The following CYGB variants were observed in gnomAD, a reference collection of about 807,000 sequenced individuals.
CYGB encodes histoglobin.
CYGB carries 13 observed loss-of-function variants against 20.7 expected under a neutral mutation model. The ratio of observed to expected loss-of-function variants is 0.63; its 90% CI spans 0.41 to 1.00. The LOEUF is 1.00. Among genes scored for constraint, CYGB ranks in the 50% least tolerant of loss-of-function variants. The pLI is 0.00. For synonymous variants in CYGB, 93 were observed against 107.4 expected (o/e 0.87, Z 0.83); for missense variants, 218 against 257.2 (o/e 0.85, Z 1.04).
At chr17:76,545,747 G>A (rs2075047525) in intron 1 of CYGB, 1 of 235,054 alleles carries the variant, frequency 4.3e-6, no homozygotes, top group Admixed American at 5.1e-5. Flanking sequence ...TGTGGAAGAT[G>A]CTTAGCATGT....
In CYGB at chr17:76,531,292, T is replaced by C. The variant is rs1276044964; in HGVS notation, c.376-150A>G. The stretch of plus-strand genomic sequence containing the variant: ...GAACCCCGTGCTCTCAGGACAAGGG[T>C]TGCCCTGGACCCAGCCCCTCCATCC... On this transcript the variant is annotated intron_variant, in intron 2 of 3. Transcript: ENST00000293230. The surrounding 1 kb of genome is among the most constrained non-coding windows in gnomAD (Gnocchi z 7.4). 3 of 1,210,532 alleles carry C rather than the reference T, an allele frequency of 2.5e-6. No homozygotes were observed. Among genetic ancestry groups the C allele is most frequent in the Non-Finnish European group, 3.5e-6 (3 of 867,798 alleles). 75.0% of individuals were successfully genotyped at this position (1,210,532 alleles called of 1,614,324 possible).
chr17:76,531,965 C>T lies in CYGB; in HGVS notation c.144-274G>A. 2.8e-6 allele frequency: 1 copy of T among 360,226 alleles called. No homozygotes were observed. The highest frequency in any genetic ancestry group is 5.1e-6 in the Non-Finnish European group (1 of 194,586). 22.3% of individuals were successfully genotyped at this position (360,226 alleles called of 1,614,324 possible). A position where few individuals can be genotyped will look rare whatever the true frequency, so the allele number is the denominator to read the frequency against. On this transcript the variant is annotated intron_variant, in intron 1 of 3. Transcript: ENST00000293230. The surrounding 1 kb of genome is among the most constrained non-coding windows in gnomAD (Gnocchi z 7.4). ...CCTCTGTCTTCCTCGCTTCTTGCTT[C>T]CTTCCCAAACTCTACACCCCCTTCA...
rs1353801528 is a variant in CYGB, at chr17:76,530,189, T to G, written c.539+790A>C. On this transcript the variant is annotated intron_variant, in intron 3 of 3. Transcript: ENST00000293230. The surrounding 1 kb of genome is among the most constrained non-coding windows in gnomAD (Gnocchi z 6.1). ...CTCTGCTTCCCATTCCCGCCTCCGC[T>G]CCTCTCCTCCTTCCTACTCCAGCCC... 6.6e-6 allele frequency among the ~76,000 whole-genome samples: 1 copy of G among 152,014 alleles called. No individual in the cohort carries two copies. The highest frequency in any genetic ancestry group is 1.5e-5 in the Non-Finnish European group (1 of 67,986).
intron 3 of CYGB, chr17:76,529,380 G>C: frequency 1.0e-6 from 1 of 985,458 alleles, no homozygotes; most frequent in Non-Finnish European, 1.2e-6. Flanking sequence ...AGCAGAAGTG[G>C]GCGGAGGAGG....
At chr17:76,534,174 C>CTCTCTT (rs1567907867) in intron 1 of CYGB, among the ~76,000 whole-genome samples, 20 of 106,108 alleles carry the variant, frequency 1.9e-4, no homozygotes, top group African/African-American at 6.1e-4. Flanking sequence ...CTCTCTCTCT[C>CTCTCTT]TCTTTCTTTC....
chr17:76,542,657 G>A (rs1312381567), upstream of CYGB: 7 of 1,471,480 alleles, frequency 4.8e-6, no homozygotes, highest in Non-Finnish European at 5.7e-6. Context: ...GGGAGCCGGG[G>A]AGGGCAGAGG....
chr17:76,528,005 C>T lies in CYGB; in HGVS notation c.*573G>A. On this transcript the variant is annotated 3_prime_UTR_variant, in exon 4 of 4. Transcript: ENST00000293230. This position sits in a 1 kb window ranked among gnomAD's most constrained non-coding sequence, Gnocchi z 5.8. ...CCTCTGCGCTGCTGTGGGATTTCCT[C>T]TTTGCCAGAACACTCTGTTCTCTGC... The T allele has an allele frequency of 2.8e-6, 1 of 362,334 alleles. No homozygotes were observed. The highest frequency in any genetic ancestry group is 2.1e-5 in the South Asian group (1 of 48,376). The allele number at this position is 362,334 out of a possible 1,614,324, so 22.4% of individuals were successfully genotyped here.
chr17:76,539,910 GT>G, upstream of CYGB: 1 of 598,108 alleles, frequency 1.7e-6, no homozygotes, highest in South Asian at 2.0e-5. Context: ...CAATGCCACA[GT>G]GCATGCCTTG....
rs374415732 is a variant in CYGB, at chr17:76,545,060, G to T, written c.-53+5802C>A. The T allele has an allele frequency of 1.6e-5, 7 of 450,946 alleles. 1 individual carries two copies. The highest frequency in any genetic ancestry group is 1.4e-4 in the East Asian group (2 of 14,282). 27.9% of individuals were successfully genotyped at this position (450,946 alleles called of 1,614,324 possible). ...AGCTGGGGTGCCATGTGGGCCGGGT[G>T]GGGGGGCTGTCTCCCCCAGGGAGCA... On this transcript the variant is annotated intron_variant, in intron 1 of 3. Transcript: ENST00000589145.
At chr17:76,545,127 G>A (rs1055259156) in intron 1 of CYGB, 61 of 456,476 alleles carry the variant, frequency 1.3e-4, no homozygotes, top group Non-Finnish European at 2.4e-4. Context: ...CACCTTCCCC[G>A]CACACCCAGC....
Position 76,531,207 on chromosome 17 carries a change from C to A in CYGB, c.376-65G>T. The stretch of plus-strand genomic sequence containing the variant: ...GCCCTGCGTCCTGCAACCCCCAGGC[C>A]CCTCCGCCCCACGTGTGGCCGAGAG... On this transcript the variant is annotated intron_variant, in intron 2 of 3. Transcript: ENST00000293230. This position sits in a 1 kb window ranked among gnomAD's most constrained non-coding sequence, Gnocchi z 7.4. 1.3e-6 allele frequency: 2 copies of A among 1,518,458 alleles called. No individual in the cohort carries two copies. The allele number at this position is 1,518,458 out of a possible 1,614,324, so 94.1% of individuals were successfully genotyped here.
chr17:76,530,838 T>C lies in CYGB; in HGVS notation c.539+141A>G. On this transcript the variant is annotated intron_variant, in intron 3 of 3. Coordinates refer to ENST00000293230, the MANE Select transcript of CYGB (RefSeq NM_134268.5). This position sits in a 1 kb window ranked among gnomAD's most constrained non-coding sequence, Gnocchi z 6.1. Reference sequence around the variant, plus strand: ...CTTTCCTATTATGCCTGTTCTTACATGTCAGACCCCAGGGTTGGCCTGCCT... The same window carrying C: ...CTTTCCTATTATGCCTGTTCTTACACGTCAGACCCCAGGGTTGGCCTGCCT... The C allele has an allele frequency of 3.4e-6, 3 of 883,100 alleles. No individual in the cohort carries two copies. The highest frequency in any genetic ancestry group is 5.0e-6 in the Non-Finnish European group (3 of 594,442). 54.7% of individuals were successfully genotyped at this position (883,100 alleles called of 1,614,324 possible). A position where few individuals can be genotyped will look rare whatever the true frequency, so the allele number is the denominator to read the frequency against.
chr17:76,547,908 A>G (rs1049228118), intron 1 of CYGB, among the ~76,000 whole-genome samples: 1 of 128,314 alleles, frequency 7.8e-6, no homozygotes, highest in African/African-American at 4.0e-5. Context: ...CACACATAAC[A>G]CATTCACACA....
At chr17:76,548,240 A>T (rs1440225521) in intron 1 of CYGB, among the ~76,000 whole-genome samples, 1 of 152,026 alleles carries the variant, frequency 6.6e-6, no homozygotes, top group Non-Finnish European at 1.5e-5. Context: ...TAGCATACAC[A>T]TACACACAGT....
intron 1 of CYGB, chr17:76,545,227 C>G (rs994718453): frequency 6.6e-6 from 3 of 456,666 alleles, no homozygotes; most frequent in Admixed American, 4.7e-5. Context: ...AGAAAGTTAC[C>G]TCTCTCAGCC....
At chr17:76,544,465 G>C (rs1157590845) in intron 1 of CYGB, 1 of 455,474 alleles carries the variant, frequency 2.2e-6, no homozygotes, top group Non-Finnish European at 4.4e-6. Context: ...TGGTACCTCG[G>C]GGAGCCTGGC....
Position 76,527,358 on chromosome 17 carries a change from C to G in CYGB, c.*1220G>C, listed in dbSNP as rs1232296440. On this transcript the variant is annotated 3_prime_UTR_variant, in exon 4 of 4. Coordinates refer to ENST00000293230, the MANE Select transcript of CYGB (RefSeq NM_134268.5). ...GAGACTGCACGAGTGTGCACAGGTACAGCAAGAACGGGTCTGTTTAATGAC... is the reference window on the plus strand; with the variant it reads ...GAGACTGCACGAGTGTGCACAGGTAGAGCAAGAACGGGTCTGTTTAATGAC... 2.8e-6 allele frequency: 1 copy of G among 352,708 alleles called. No homozygotes were observed. Among genetic ancestry groups the G allele is most frequent in the East Asian group, 7.5e-5 (1 of 13,416 alleles). 21.8% of individuals were successfully genotyped at this position (352,708 alleles called of 1,614,324 possible).
intron 1 of CYGB, among the ~76,000 whole-genome samples, chr17:76,547,701 A>T (rs1005899620): frequency 6.6e-5 from 10 of 151,066 alleles, no homozygotes; most frequent in African/African-American, 2.4e-4. Flanking sequence ...ACACACACAG[A>T]CACACACACA....
At chr17:76,542,406 G>A (rs1373963118), upstream of CYGB, 9 of 911,892 alleles carry the variant, frequency 9.9e-6, no homozygotes, top group South Asian at 1.2e-4. Context: ...CAGTCACACT[G>A]TCCTAAATGC....
Sources: gnomAD v4.1 joint callset for allele counts (sites outside exome capture counted in the v4.1 genomes callset) on GRCh38, gnomAD v4.1.1 for gene constraint, Gnocchi (gnomAD v3.1) non-coding constraint, MANE v1.5 for transcripts, NCBI Gene and HGNC (gene_info 2026-07-23, HGNC 2026-07-21) for gene names.